ADK: variants seen among roughly 807,000 people sequenced by gnomAD.
The protein encoded by ADK is adenosine kinase, also known as N6,N6-dimethyladenosine kinase.
A neutral mutation model predicts 44.7 loss-of-function variants in ADK; 24 were observed. The observed-to-expected ratio is 0.54, with a 90% CI of 0.39 to 0.76. ADK has a LOEUF of 0.76. ADK is among the 30% of genes least tolerant of loss of function. The pLI is 0.00. For missense variants in ADK, 321 were observed against 425.1 expected (o/e 0.76, Z 2.15); for synonymous variants, 128 against 142.6 (o/e 0.90, Z 0.73).
chr10:74,577,964 T>C (rs549642881), intron 7 of ADK, among the ~76,000 whole-genome samples: 2 of 152,352 alleles, frequency 1.3e-5, no homozygotes, highest in Non-Finnish European at 2.9e-5. Context: ...GTTTTTACTT[T>C]TTTTCAAGAG....
chr10:74,423,749 A>G, intron 6 of ADK: 1 of 420,502 alleles, frequency 2.4e-6, no homozygotes, highest in South Asian at 2.0e-5. Context: ...GCTGGTGCAA[A>G]TGTATCTTTT....
At chr10:74,319,045 C>G (rs1840725454) in intron 4 of ADK, among the ~76,000 whole-genome samples, 1 of 151,992 alleles carries the variant, frequency 6.6e-6, no homozygotes, top group Non-Finnish European at 1.5e-5. Context: ...CCTAATGGCT[C>G]TAGTCAAGTA....
intron 8 of ADK, among the ~76,000 whole-genome samples, chr10:74,595,168 C>A (rs1278224388): frequency 3.1e-5 from 4 of 130,470 alleles, no homozygotes; most frequent in Non-Finnish European, 4.7e-5. Flanking sequence ...AAGAGCCAAA[C>A]TCCATCTCAA....
At chr10:74,459,143 G>A (rs1050433731) in intron 6 of ADK, among the ~76,000 whole-genome samples, 6 of 151,966 alleles carry the variant, frequency 3.9e-5, no homozygotes, top group East Asian at 1.9e-4. Flanking sequence ...AGCTGGGCAC[G>A]GTGGTGGGTG....
At chr10:74,382,851 TGTAGGTG>T (rs1843017543) in intron 4 of ADK, among the ~76,000 whole-genome samples, 1 of 152,026 alleles carries the variant, frequency 6.6e-6, no homozygotes, top group African/African-American at 2.4e-5. Context: ...TTCCCCTTGG[TGTAGGTG>T]GCCTAGACCG....
chr10:74,509,406 T>A (rs1224994291), intron 6 of ADK: 4 of 152,386 alleles, frequency 2.6e-5, no homozygotes, highest in Non-Finnish European at 5.9e-5. Flanking sequence ...TTGGCCGGGA[T>A]GATCTCGATC....
intron 1 of ADK, among the ~76,000 whole-genome samples, chr10:74,173,976 A>G (rs1235245182): frequency 6.6e-6 from 1 of 152,118 alleles, no homozygotes; most frequent in Non-Finnish European, 1.5e-5. Context: ...TGAACAGCAT[A>G]TAATGGGTAA....
intron 4 of ADK, among the ~76,000 whole-genome samples, chr10:74,317,265 A>G (rs934415324): frequency 4.6e-5 from 7 of 152,222 alleles, no homozygotes; most frequent in African/African-American, 1.4e-4. Context: ...ATGAAAGTGA[A>G]AAGTTCTTAT....
At chr10:74,476,196 T>C (rs1846830643) in intron 6 of ADK, among the ~76,000 whole-genome samples, 1 of 152,126 alleles carries the variant, frequency 6.6e-6, no homozygotes, top group African/African-American at 2.4e-5. Flanking sequence ...ACATATAAAG[T>C]CGTTTAAAAA....
intron 3 of ADK, among the ~76,000 whole-genome samples, chr10:74,284,595 C>T (rs1003678801): frequency 5.3e-5 from 8 of 152,184 alleles, no homozygotes; most frequent in Non-Finnish European, 1.0e-4. Context: ...CCATAGCACT[C>T]ACCTCTGTGG....
chr10:74,567,052 T>A (rs1420550820), intron 7 of ADK, among the ~76,000 whole-genome samples: 1 of 152,202 alleles, frequency 6.6e-6, no homozygotes, highest in Non-Finnish European at 1.5e-5. Flanking sequence ...ACAGTTTGTA[T>A]CTTGCCCAAA....
At chr10:74,394,358 A>G in intron 5 of ADK, 45 bp downstream of exon 5, 1 of 1,570,756 alleles carries the variant, frequency 6.4e-7, no homozygotes, top group Non-Finnish European at 8.7e-7. Context: ...TGGCTATTTT[A>G]ACACTGGTAA....
chr10:74,342,933 G>C (rs1259652148), intron 4 of ADK, among the ~76,000 whole-genome samples: 1 of 152,034 alleles, frequency 6.6e-6, no homozygotes, highest in Non-Finnish European at 1.5e-5. Flanking sequence ...CTATAGTTGT[G>C]TTTCCTTCTT....
intron 1 of ADK, among the ~76,000 whole-genome samples, chr10:74,163,169 T>C (rs1054003584): frequency 6.6e-6 from 1 of 152,164 alleles, no homozygotes; most frequent in Non-Finnish European, 1.5e-5. Flanking sequence ...GGTTTCACCA[T>C]GTTAGCCAGG....
At chr10:74,619,755 GAGGCCAGA>G (rs1396365623) in intron 9 of ADK, among the ~76,000 whole-genome samples, 1 of 152,062 alleles carries the variant, frequency 6.6e-6, no homozygotes, top group African/African-American at 2.4e-5. Flanking sequence ...CTCTGTCACC[GAGGCCAGA>G]AGGCCAGAGT....
At chr10:74,493,468 A>G (rs571481006) in intron 6 of ADK, among the ~76,000 whole-genome samples, 1 of 151,394 alleles carries the variant, frequency 6.6e-6, no homozygotes, top group Admixed American at 6.6e-5. Flanking sequence ...TATAGAAGAG[A>G]TATATATAGA....
chr10:74,184,007 C>G (rs550390540), intron 1 of ADK, among the ~76,000 whole-genome samples: 1 of 152,070 alleles, frequency 6.6e-6, no homozygotes, highest in African/African-American at 2.4e-5. Flanking sequence ...ACCTCCGCCT[C>G]CCGGATTCAA....
chr10:74,162,086 T>A (rs892500807), intron 1 of ADK, among the ~76,000 whole-genome samples: 1 of 152,078 alleles, frequency 6.6e-6, no homozygotes, highest in Non-Finnish European at 1.5e-5. Context: ...AGTGGCACGA[T>A]CTTGGCTCAC....
chr10:74,288,151 G>A (rs1248194107), intron 3 of ADK, among the ~76,000 whole-genome samples: 2 of 151,620 alleles, frequency 1.3e-5, no homozygotes, highest in Admixed American at 6.6e-5. Context: ...TGTAAATAAC[G>A]GGCAATAAAA....
Sources: allele counts gnomAD v4.1 joint callset (sites outside exome capture counted in the v4.1 genomes callset), GRCh38; gene constraint gnomAD v4.1.1; transcripts MANE v1.5; gene names NCBI Gene and HGNC (gene_info 2026-07-23, HGNC 2026-07-21).